Variants in MARCHF1 observed in about 807,000 individuals in gnomAD.
MARCHF1 encodes E3 ubiquitin-protein ligase MARCHF1.
MARCHF1 carries 40 observed loss-of-function variants against 54.2 expected under a neutral mutation model. The observed-to-expected ratio is 0.74, with a 90% CI of 0.57 to 0.96. The LOEUF (loss-of-function observed/expected upper bound fraction) is 0.96, where lower values mean the gene tolerates loss of function less well. Among genes scored for constraint, MARCHF1 ranks in the 40% least tolerant of loss-of-function variants. MARCHF1 has a pLI of 0.00. For synonymous variants in MARCHF1, 236 were observed against 236.3 expected (o/e 1.00, Z 0.01); for missense variants, 586 against 656.5 (o/e 0.89, Z 1.17).
chr4:164,297,728 A>G (rs1734448207), intron 1 of MARCHF1, among the ~76,000 whole-genome samples: 2 of 152,204 alleles, frequency 1.3e-5, no homozygotes, highest in Admixed American at 1.3e-4. Context: ...TTTGATAAAT[A>G]TACCCATGGT....
chr4:164,008,362 A>G (rs540807315), intron 2 of MARCHF1, among the ~76,000 whole-genome samples: 16 of 152,268 alleles, frequency 1.1e-4, no homozygotes, highest in African/African-American at 2.9e-4. Context: ...AAAGGGAGAA[A>G]CAGAATGCAA....
intron 3 of MARCHF1, among the ~76,000 whole-genome samples, chr4:163,972,537 T>C (rs967607149): frequency 6.6e-6 from 1 of 152,038 alleles, no homozygotes. Flanking sequence ...TTAATGTATA[T>C]GTTTTTGTTT....
intron 4 of MARCHF1, among the ~76,000 whole-genome samples, chr4:163,752,004 A>T (rs1248770155): frequency 6.6e-6 from 1 of 152,214 alleles, no homozygotes; most frequent in Non-Finnish European, 1.5e-5. Flanking sequence ...ATATAAAAAA[A>T]TTTCCTTTGG....
intron 3 of MARCHF1, among the ~76,000 whole-genome samples, chr4:163,938,131 A>G (rs80166028): frequency 0.015 from 2,241 of 152,282 alleles, 44 homozygotes; most frequent in Middle Eastern, 0.065. Context: ...CATGAATAAA[A>G]CCAGATAATT....
chr4:164,196,774 G>C (rs962375522), intron 1 of MARCHF1, among the ~76,000 whole-genome samples: 8 of 151,738 alleles, frequency 5.3e-5, no homozygotes, highest in Non-Finnish European at 1.0e-4. Flanking sequence ...ATTTTATTTG[G>C]CAGTAAAAAT....
intron 3 of MARCHF1, among the ~76,000 whole-genome samples, chr4:163,854,901 C>T (rs1013889526): frequency 1.3e-5 from 2 of 152,124 alleles, no homozygotes; most frequent in African/African-American, 2.4e-5. Context: ...ATTGTTTCCC[C>T]TGTAAAGTTT....
intron 4 of MARCHF1, among the ~76,000 whole-genome samples, chr4:163,746,190 G>A (rs1746355056): frequency 6.6e-6 from 1 of 151,966 alleles, no homozygotes; most frequent in Non-Finnish European, 1.5e-5. Context: ...CTTAATCCCT[G>A]GACACCATGG....
intron 4 of MARCHF1, among the ~76,000 whole-genome samples, chr4:163,777,158 T>C (rs1002732821): frequency 2.0e-5 from 3 of 152,184 alleles, no homozygotes; most frequent in African/African-American, 7.2e-5. Flanking sequence ...CATGTTTAAG[T>C]TGCATGCTAA....
At chr4:163,997,896 T>C (rs891199333) in intron 2 of MARCHF1, among the ~76,000 whole-genome samples, 4 of 150,134 alleles carry the variant, frequency 2.7e-5, no homozygotes, top group South Asian at 2.1e-4. Context: ...ACACATTTGT[T>C]ATCTATAATT....
chr4:163,791,357 G>A (rs1340197830), intron 4 of MARCHF1, among the ~76,000 whole-genome samples: 3 of 152,144 alleles, frequency 2.0e-5, no homozygotes, highest in Admixed American at 6.5e-5. Flanking sequence ...CTAAAAGAAC[G>A]TGACTGTGAA....
chr4:164,106,080 C>A (rs1755690190), intron 2 of MARCHF1, among the ~76,000 whole-genome samples: 1 of 151,480 alleles, frequency 6.6e-6, no homozygotes, highest in South Asian at 2.1e-4. Flanking sequence ...CATCTCACAC[C>A]AGTTAGAATG....
chr4:164,359,881 T>G (rs1334167849), intron 1 of MARCHF1, among the ~76,000 whole-genome samples: 1 of 152,102 alleles, frequency 6.6e-6, no homozygotes, highest in Non-Finnish European at 1.5e-5. Flanking sequence ...GGCCCAGAAA[T>G]CTGGTTTTTA....
At chr4:163,554,886 A>G (rs1030994750) in intron 8 of MARCHF1, among the ~76,000 whole-genome samples, 1 of 152,240 alleles carries the variant, frequency 6.6e-6, no homozygotes, top group Non-Finnish European at 1.5e-5. Context: ...ATGCATATGT[A>G]AATATATATG....
At chr4:163,941,016 A>G (rs1751901916) in intron 3 of MARCHF1, among the ~76,000 whole-genome samples, 2 of 152,116 alleles carry the variant, frequency 1.3e-5, no homozygotes, top group South Asian at 4.1e-4. Context: ...TCTTCCTCGG[A>G]GTTTCCAACC....
intron 9 of MARCHF1, among the ~76,000 whole-genome samples, chr4:163,533,680 A>T (rs868289913): frequency 2.1e-5 from 3 of 144,134 alleles, no homozygotes; most frequent in Non-Finnish European, 3.0e-5. Context: ...TTTTATATAT[A>T]ATATATATAT....
At chr4:163,791,977 G>C (rs967176219) in intron 4 of MARCHF1, among the ~76,000 whole-genome samples, 2 of 152,098 alleles carry the variant, frequency 1.3e-5, no homozygotes, top group Non-Finnish European at 2.9e-5. Context: ...CTGTTTCTGA[G>C]ACCGTTTCTT....
At chr4:163,676,199 A>AC (rs568947601) in intron 5 of MARCHF1, among the ~76,000 whole-genome samples, 8,165 of 148,978 alleles carry the variant, frequency 0.055, 521 homozygotes, top group African/African-American at 0.14. Context: ...AAAAAAAAAA[A>AC]AAAAAAAATT....
intron 4 of MARCHF1, among the ~76,000 whole-genome samples, chr4:163,793,714 A>T (rs531675253): frequency 1.3e-5 from 2 of 152,290 alleles, no homozygotes; most frequent in East Asian, 1.9e-4. Context: ...TTATCTATAG[A>T]TTACAGACAT....
chr4:164,012,492 C>G (rs1753444540), intron 2 of MARCHF1, among the ~76,000 whole-genome samples: 1 of 152,162 alleles, frequency 6.6e-6, no homozygotes, highest in Non-Finnish European at 1.5e-5. Context: ...AATTAACCAA[C>G]TGCTGACTAA....
Sources: gnomAD v4.1 joint callset for allele counts (sites outside exome capture counted in the v4.1 genomes callset) on GRCh38, gnomAD v4.1.1 for gene constraint, MANE v1.5 for transcripts, NCBI Gene and HGNC (gene_info 2026-07-23, HGNC 2026-07-21) for gene names.